NCOA2: variants seen among roughly 807,000 people sequenced by gnomAD.
NCOA2 encodes the protein class E basic helix-loop-helix protein 75.
In NCOA2, 21 loss-of-function variants were observed where a neutral mutation model predicts 145.1. That is an observed-to-expected ratio of 0.14 (90% confidence interval 0.10 to 0.21). The LOEUF (loss-of-function observed/expected upper bound fraction) is 0.21. NCOA2 is among the 10% of genes least tolerant of loss of function. The pLI is 1.00. For missense variants in NCOA2, 1,472 were observed against 1,837.6 expected (o/e 0.80, Z 3.64); for synonymous variants, 619 against 637.5 (o/e 0.97, Z 0.44).
At chr8:70,411,706 C>T in the NCOA2 span, among the ~76,000 whole-genome samples, 5 of 152,046 alleles carry the variant, frequency 3.3e-5, no homozygotes, top group African/African-American at 1.2e-4. Flanking sequence ...AGAGAAATAA[C>T]CTTGAATAAA....
At chr8:70,445,582 G>T in the NCOA2 span, among the ~76,000 whole-genome samples, 1 of 151,924 alleles carries the variant, frequency 6.6e-6, no homozygotes, top group Non-Finnish European at 1.5e-5. Context: ...AAGCCTAAAC[G>T]TGTTGCCCCA....
At chr8:70,178,213 A>C (rs1010474355) in intron 4 of NCOA2, among the ~76,000 whole-genome samples, 8 of 152,232 alleles carry the variant, frequency 5.3e-5, no homozygotes, top group Non-Finnish European at 2.9e-5. Context: ...GTTATGTAGA[A>C]TCAGGATCAA....
At chr8:70,185,874 T>C (rs1031127303) in intron 4 of NCOA2, among the ~76,000 whole-genome samples, 2 of 152,226 alleles carry the variant, frequency 1.3e-5, no homozygotes, top group Non-Finnish European at 2.9e-5. Flanking sequence ...GAGCAGTTAC[T>C]ACAGGCAGAG....
chr8:70,197,702 A>AT (rs1294496124), intron 4 of NCOA2, among the ~76,000 whole-genome samples: 1 of 152,206 alleles, frequency 6.6e-6, no homozygotes, highest in African/African-American at 2.4e-5. Flanking sequence ...TATCATTGGA[A>AT]TTTATTTTAA....
At chr8:70,179,430 G>A (rs1003898348) in intron 4 of NCOA2, among the ~76,000 whole-genome samples, 1 of 152,136 alleles carries the variant, frequency 6.6e-6, no homozygotes, top group Non-Finnish European at 1.5e-5. Flanking sequence ...GAAAAGAAGG[G>A]AGGAAGGGAG....
intron 18 of NCOA2, 25 bp downstream of exon 18, chr8:70,128,408 G>T: frequency 6.3e-7 from 1 of 1,595,618 alleles, no homozygotes; most frequent in Non-Finnish European, 8.6e-7. Context: ...TACAATGAAA[G>T]CTAATGGCTG....
At chr8:70,411,595 AC>A in the NCOA2 span, among the ~76,000 whole-genome samples, 1 of 152,226 alleles carries the variant, frequency 6.6e-6, no homozygotes, top group Non-Finnish European at 1.5e-5. Context: ...GAGTCCTTCA[AC>A]AGAAGACTGA....
Position 70,112,792 on chromosome 8 carries a change from A to C in NCOA2, c.*840T>G, listed in dbSNP as rs1806656722. On this transcript the variant is annotated 3_prime_UTR_variant, in exon 23 of 23. Transcript: ENST00000452400. ...GGAGTATGGGGAATGAGAGAGGGGAAGGGAAGAGTCAGGCTGACAGGGAAG... is the reference window on the plus strand; with the variant it reads ...GGAGTATGGGGAATGAGAGAGGGGACGGGAAGAGTCAGGCTGACAGGGAAG... 1 of 209,752 alleles carries C rather than the reference A, an allele frequency of 4.8e-6. No individual in the cohort carries two copies. The highest frequency in any genetic ancestry group is 5.9e-5 in the Admixed American group (1 of 16,960). 13.0% of individuals were successfully genotyped at this position (209,752 alleles called of 1,614,324 possible).
At chr8:70,252,367 G>A (rs1334241706) in intron 2 of NCOA2, among the ~76,000 whole-genome samples, 1 of 152,196 alleles carries the variant, frequency 6.6e-6, no homozygotes, top group Admixed American at 6.5e-5. Context: ...TCGAGCCCAG[G>A]AGTTCAAGAC....
chr8:70,219,837 G>T (rs1416035957), intron 2 of NCOA2, among the ~76,000 whole-genome samples: 4 of 152,270 alleles, frequency 2.6e-5, no homozygotes, highest in Middle Eastern at 3.4e-3. Flanking sequence ...TATGTGAGGA[G>T]GCTGGGCTGG....
At chr8:70,361,282 A>G (rs893346039) in intron 1 of NCOA2, among the ~76,000 whole-genome samples, 4 of 152,100 alleles carry the variant, frequency 2.6e-5, no homozygotes, top group East Asian at 1.9e-4. Flanking sequence ...TTGGGTGGCC[A>G]AGGTGAGCAG....
At chr8:70,389,675 CT>C (rs1459856134) in intron 1 of NCOA2, among the ~76,000 whole-genome samples, 3 of 151,396 alleles carry the variant, frequency 2.0e-5, no homozygotes, top group African/African-American at 7.3e-5. Context: ...TTCAGGAAAA[CT>C]TTTTTTTAGA....
chr8:70,447,422 T>C, the NCOA2 span, among the ~76,000 whole-genome samples: 1 of 152,130 alleles, frequency 6.6e-6, no homozygotes, highest in South Asian at 2.1e-4. Context: ...AGCTCCCAAT[T>C]TAGAAAGCAG....
At chr8:70,265,272 A>G (rs1191135577) in intron 2 of NCOA2, among the ~76,000 whole-genome samples, 2 of 152,194 alleles carry the variant, frequency 1.3e-5, no homozygotes, top group Non-Finnish European at 2.9e-5. Context: ...GTGAGGATGC[A>G]GCAAGAAGGC....
At chr8:70,328,787 CAA>C (rs1806817914) in intron 1 of NCOA2, among the ~76,000 whole-genome samples, 1 of 151,904 alleles carries the variant, frequency 6.6e-6, no homozygotes, top group African/African-American at 2.4e-5. Context: ...AAATTAAAAA[CAA>C]AGAGAAAAAA....
At chr8:70,350,406 C>T (rs1809072810) in intron 1 of NCOA2, among the ~76,000 whole-genome samples, 2 of 152,052 alleles carry the variant, frequency 1.3e-5, no homozygotes, top group Non-Finnish European at 2.9e-5. Flanking sequence ...TTTCACTATC[C>T]AAAAGAGCTA....
At chr8:70,429,399 A>G in the NCOA2 span, among the ~76,000 whole-genome samples, 19 of 152,234 alleles carry the variant, frequency 1.2e-4, no homozygotes, top group African/African-American at 4.6e-4. Flanking sequence ...ACAATAAAGC[A>G]GGAGTGCTGT....
chr8:70,259,873 TGTAAA>T (rs1823968250), intron 2 of NCOA2, among the ~76,000 whole-genome samples: 1 of 152,238 alleles, frequency 6.6e-6, no homozygotes, highest in South Asian at 2.1e-4. Flanking sequence ...CTATGCCATA[TGTAAA>T]CAGAAATTAA....
intron 15 of NCOA2, among the ~76,000 whole-genome samples, chr8:70,136,138 C>T (rs935131635): frequency 3.3e-5 from 5 of 152,134 alleles, no homozygotes; most frequent in African/African-American, 1.2e-4. Flanking sequence ...CTTTGGGAGG[C>T]TGAGGCAGGT....
Sources: allele counts gnomAD v4.1 joint callset (sites outside exome capture counted in the v4.1 genomes callset), GRCh38; gene constraint gnomAD v4.1.1; transcripts MANE v1.5; gene names NCBI Gene and HGNC (gene_info 2026-07-23, HGNC 2026-07-21).